TRIQK: variants seen among roughly 807,000 people sequenced by gnomAD.
TRIQK encodes the protein triple QxxK/R motif-containing protein.
A neutral mutation model predicts 10.8 loss-of-function variants in TRIQK; 10 were observed. The observed-to-expected ratio is 0.92, with a 90% confidence interval of 0.57 to 1.57. The LOEUF (loss-of-function observed/expected upper bound fraction) is 1.57. Among genes scored for constraint, TRIQK ranks in the 40% most tolerant of loss-of-function variants. The pLI is 0.00. For synonymous variants in TRIQK, 33 were observed against 33.7 expected (o/e 0.98, Z 0.07); for missense variants, 107 against 97.7 (o/e 1.09, Z -0.40).
At chr8:92,913,831 A>C (rs953058272) in intron 3 of TRIQK, among the ~76,000 whole-genome samples, 4 of 152,208 alleles carry the variant, frequency 2.6e-5, no homozygotes, top group Admixed American at 2.0e-4. Context: ...GACATGGATG[A>C]AGCTGGAAAC....
intron 1 of TRIQK, among the ~76,000 whole-genome samples, chr8:92,957,243 T>C (rs1378978446): frequency 1.3e-5 from 2 of 151,810 alleles, no homozygotes; most frequent in African/African-American, 4.8e-5. Context: ...TAACCATATA[T>C]ACATATATGT....
chr8:92,964,032 T>A (rs938624377), intron 1 of TRIQK, among the ~76,000 whole-genome samples: 45 of 152,304 alleles, frequency 3.0e-4, no homozygotes, highest in African/African-American at 1.0e-3. Context: ...TACATGGTTT[T>A]GTAAGATAGC....
At chr8:92,943,180 C>T (rs964727612) in intron 2 of TRIQK, among the ~76,000 whole-genome samples, 2 of 151,726 alleles carry the variant, frequency 1.3e-5, no homozygotes, top group African/African-American at 2.4e-5. Context: ...TGAAGACATA[C>T]ATAAATGGAA....
intron 1 of TRIQK, among the ~76,000 whole-genome samples, chr8:92,990,809 CACAAA>C (rs1424984446): frequency 4.6e-5 from 7 of 152,164 alleles, no homozygotes; most frequent in African/African-American, 1.7e-4. Flanking sequence ...GGATTTCAAG[CACAAA>C]ACTGGGCGGT....
At chr8:92,913,689 A>G (rs1337946772) in intron 3 of TRIQK, among the ~76,000 whole-genome samples, 3 of 152,202 alleles carry the variant, frequency 2.0e-5, no homozygotes, top group Non-Finnish European at 4.4e-5. Context: ...CTGAAGCACT[A>G]TTTAAAATAG....
At chr8:92,947,246 T>TTA (rs111754734) in intron 2 of TRIQK, among the ~76,000 whole-genome samples, 19,665 of 149,198 alleles carry the variant, frequency 0.13, 1,235 homozygotes, top group East Asian at 0.19. Flanking sequence ...TCAACAGTGT[T>TTA]TATATATATA....
At chr8:92,896,136 C>T (rs1464739152) in intron 3 of TRIQK, among the ~76,000 whole-genome samples, 1 of 152,186 alleles carries the variant, frequency 6.6e-6, no homozygotes, top group Non-Finnish European at 1.5e-5. Context: ...TTCCAGGGGA[C>T]CTCTGTATTC....
At chr8:92,995,220 A>T (rs990437632) in intron 1 of TRIQK, among the ~76,000 whole-genome samples, 1 of 151,922 alleles carries the variant, frequency 6.6e-6, no homozygotes, top group African/African-American at 2.4e-5. Context: ...TTACTCTCTT[A>T]TTATCTTAAT....
intron 1 of TRIQK, among the ~76,000 whole-genome samples, chr8:93,009,238 A>G (rs1813305156): frequency 6.6e-6 from 1 of 152,228 alleles, no homozygotes; most frequent in African/African-American, 2.4e-5. Context: ...AATGTTCAAC[A>G]TTACTAATCA....
intron 1 of TRIQK, among the ~76,000 whole-genome samples, chr8:93,017,053 A>T (rs2130766631): frequency 6.6e-6 from 1 of 151,612 alleles, no homozygotes; most frequent in Middle Eastern, 3.4e-3. Context: ...GTTTAAAAGT[A>T]CATTCAATAA....
chr8:93,010,373 G>C (rs279956), intron 1 of TRIQK, among the ~76,000 whole-genome samples: 106,146 of 151,790 alleles, frequency 0.7, 37,481 homozygotes, highest in South Asian at 0.78. Flanking sequence ...CATTGTACTA[G>C]ATAAGTATGT....
intron 3 of TRIQK, among the ~76,000 whole-genome samples, chr8:92,915,795 C>A (rs576706769): frequency 2.0e-5 from 3 of 151,856 alleles, no homozygotes; most frequent in Non-Finnish European, 4.4e-5. Context: ...TCACCGCGCC[C>A]GGCCTGTACT....
chr8:92,937,942 CTACA>C (rs1251530245), intron 2 of TRIQK, among the ~76,000 whole-genome samples: 1 of 151,686 alleles, frequency 6.6e-6, no homozygotes, highest in Non-Finnish European at 1.5e-5. Context: ...TTGTATTTAC[CTACA>C]TATTTACTAT....
chr8:93,011,926 G>A lies in TRIQK; in HGVS notation c.-181+5683C>T, dbSNP rs556477115. On this transcript the variant is annotated intron_variant, in intron 1 of 4. Transcript: ENST00000520686. ...ACCACCCTCCTACTGCAAATGTATC[G>A]AAACCAAGATAGATGCAGATGTTGA... Among the ~76,000 whole-genome samples the A allele has an allele frequency of 1.5e-3, 230 of 152,194 alleles. 1 individual carries two copies. Among genetic ancestry groups the A allele is most frequent in the African/African-American group, 4.3e-3 (179 of 41,522 alleles).
At chr8:92,899,230 C>T (rs1318079160) in intron 3 of TRIQK, among the ~76,000 whole-genome samples, 1 of 151,922 alleles carries the variant, frequency 6.6e-6, no homozygotes, top group Non-Finnish European at 1.5e-5. Context: ...GATCTGCCCA[C>T]CTTAGCCTCC....
In TRIQK at chr8:92,917,026, T is replaced by A. The variant is rs1809895743; in HGVS notation, c.-21-16A>T. ...AAAATGCCTGCTGAAAAGAAAACAA[T>A]TATAATGAAAATTTTTTTAAAAAGG... On this transcript the variant is annotated splice_polypyrimidine_tract_variant and intron_variant, in intron 2 of 4. Coordinates refer to ENST00000521988, the MANE Select transcript of TRIQK (RefSeq NM_001171797.2). The A allele has an allele frequency of 4.1e-6, 6 of 1,449,804 alleles. No individual in the cohort carries two copies. The highest frequency in any genetic ancestry group is 5.4e-6 in the Non-Finnish European group (6 of 1,107,196). The allele number at this position is 1,449,804 out of a possible 1,614,324, so 89.8% of individuals were successfully genotyped here.
chr8:93,000,396 T>G (rs183814083), intron 1 of TRIQK, among the ~76,000 whole-genome samples: 1 of 152,280 alleles, frequency 6.6e-6, no homozygotes, highest in Admixed American at 6.5e-5. Context: ...TCTTACATGG[T>G]GGCCAACAAG....
At chr8:92,921,339 A>T (rs1017187790) in intron 2 of TRIQK, 4 of 151,684 alleles carry the variant, frequency 2.6e-5, no homozygotes, top group African/African-American at 7.3e-5. Flanking sequence ...ATAAATTATT[A>T]AAAAAACTGT....
chr8:93,016,478 A>G (rs1813384873), intron 1 of TRIQK, among the ~76,000 whole-genome samples: 1 of 152,242 alleles, frequency 6.6e-6, no homozygotes, highest in African/African-American at 2.4e-5. Context: ...ACAATGGAGC[A>G]AAGTTTACTT....
Sources: allele counts gnomAD v4.1 joint callset (sites outside exome capture counted in the v4.1 genomes callset), GRCh38; gene constraint gnomAD v4.1.1; transcripts MANE v1.5; gene names NCBI Gene and HGNC (gene_info 2026-07-23, HGNC 2026-07-21).